MFSD6: variants seen among roughly 807,000 people sequenced by gnomAD.
MFSD6 encodes the protein major facilitator superfamily domain-containing protein 6.
MFSD6 carries 26 observed loss-of-function variants against 56.3 expected under a neutral mutation model. The observed-to-expected ratio is 0.46, with a 90% CI of 0.34 to 0.64. The LOEUF is 0.64. Among genes scored for constraint, MFSD6 ranks in the 30% least tolerant of loss-of-function variants. MFSD6 has a pLI of 0.01. For synonymous variants in MFSD6, 331 were observed against 366.9 expected (o/e 0.90, Z 1.12); for missense variants, 750 against 986.2 (o/e 0.76, Z 3.21).
intron 3 of MFSD6, among the ~76,000 whole-genome samples, chr2:190,452,136 T>TA (rs1418185829): frequency 3.3e-5 from 5 of 151,820 alleles, no homozygotes; most frequent in African/African-American, 1.2e-4. Context: ...AGATGAAAAG[T>TA]AAAAAACAAA....
chr2:190,497,546 C>T lies in MFSD6; in HGVS notation c.1999C>T (p.Pro667Ser). 1 of 1,614,166 alleles carries T rather than the reference C, an allele frequency of 6.2e-7. No individual in the cohort carries two copies. The highest frequency in any genetic ancestry group is 8.5e-7 in the Non-Finnish European group (1 of 1,180,026). Residue 667 changes from proline to serine, a missense_variant, in exon 7 of 8, where the codon CCC (proline) becomes TCC (serine). By Grantham distance (74) the Pro-to-Ser change is moderately conservative. Around this residue, in one of 5 missense-constraint regions of MFSD6, gnomAD observed 172 missense variants for 203.9 expected, o/e 0.84. Coordinates refer to ENST00000392328, the MANE Select transcript of MFSD6 (RefSeq NM_017694.4). This position sits in a 1 kb window ranked among gnomAD's most constrained non-coding sequence, Gnocchi z 5.2. ...QTEDVMPRIE[P>S]RLPPKKTKHQ... ...AGAAGATGTCATGCCACGCATTGAG[C>T]CCAGACTTCCACCCAAGAAAACTAA...
intron 3 of MFSD6, chr2:190,442,854 CA>C (rs1287784847): frequency 6.6e-6 from 1 of 152,068 alleles, no homozygotes; most frequent in Non-Finnish European, 1.5e-5. Context: ...AGATTTGCAG[CA>C]GTGAAAATCG....
rs1689089036 is a variant in MFSD6, at chr2:190,487,665, C to T, written c.1631-992C>T. Among the ~76,000 whole-genome samples, 1 of 152,096 alleles carries T rather than the reference C, an allele frequency of 6.6e-6. No homozygotes were observed. Among genetic ancestry groups the T allele is most frequent in the Admixed American group, 6.5e-5 (1 of 15,274 alleles). On this transcript the variant is annotated intron_variant, in intron 4 of 7. Coordinates refer to ENST00000392328, the MANE Select transcript of MFSD6 (RefSeq NM_017694.4). This position sits in a 1 kb window ranked among gnomAD's most constrained non-coding sequence, Gnocchi z 5.5. ...CCTAAAAGGTGCTCGACATCACTAG[C>T]TATTAGGGGAAAGCAAATCAACAAC...
chr2:190,464,468 CTG>C (rs1443168439), intron 3 of MFSD6, among the ~76,000 whole-genome samples: 1 of 152,176 alleles, frequency 6.6e-6, no homozygotes, highest in Non-Finnish European at 1.5e-5. Context: ...AATATCCAGA[CTG>C]TATCTGGACT....
Position 190,463,987 on chromosome 2 carries a change from A to G in MFSD6, c.1533-5771A>G, listed in dbSNP as rs773528789. ...CTGGTGTCAACAACCAGCTCTTTTC[A>G]TTAGGAAATCTAGTAAAAACTCCAG... On this transcript the variant is annotated intron_variant, in intron 3 of 7. Coordinates refer to ENST00000392328, the MANE Select transcript of MFSD6 (RefSeq NM_017694.4). The surrounding 1 kb of genome is among the most constrained non-coding windows in gnomAD (Gnocchi z 4.4). 3 of 747,258 alleles carry G rather than the reference A, an allele frequency of 4.0e-6. No individual in the cohort carries two copies. Among genetic ancestry groups the G allele is most frequent in the Non-Finnish European group, 4.9e-6 (3 of 612,716 alleles). The allele number at this position is 747,258 out of a possible 1,614,324, so 46.3% of individuals were successfully genotyped here. A position where few individuals can be genotyped will look rare whatever the true frequency, so the allele number is the denominator to read the frequency against.
Position 190,461,905 on chromosome 2 carries a change from A to G in MFSD6, c.1533-7853A>G, listed in dbSNP as rs981399713. 2.0e-5 allele frequency among the ~76,000 whole-genome samples: 3 copies of G among 152,182 alleles called. No individual in the cohort carries two copies. The highest frequency in any genetic ancestry group is 2.0e-4 in the Admixed American group (3 of 15,276). On this transcript the variant is annotated intron_variant, in intron 3 of 7. Transcript: ENST00000392328. This position sits in a 1 kb window ranked among gnomAD's most constrained non-coding sequence, Gnocchi z 5.5. ...ACTTTCAGAACAATCTGAGAGCAGA[A>G]GTCTTTTAATTTAAAAATTTAAAGG...
chr2:190,495,725 C>A lies in MFSD6; in HGVS notation c.1892-1714C>A, dbSNP rs919037136. On this transcript the variant is annotated intron_variant, in intron 6 of 7. Coordinates refer to ENST00000392328, the MANE Select transcript of MFSD6 (RefSeq NM_017694.4). The surrounding 1 kb of genome is among the most constrained non-coding windows in gnomAD (Gnocchi z 4.7). ...GCCAACTGATATTTGACAAAGCAAA[C>A]AGAAACATAAAGGGGGAAAGGATAC... 1.3e-5 allele frequency among the ~76,000 whole-genome samples: 2 copies of A among 151,954 alleles called. No homozygotes were observed. The highest frequency in any genetic ancestry group is 2.9e-5 in the Non-Finnish European group (2 of 67,960).
chr2:190,419,948 C>T (rs910563928), intron 2 of MFSD6, among the ~76,000 whole-genome samples: 2 of 152,102 alleles, frequency 1.3e-5, no homozygotes, highest in African/African-American at 2.4e-5. Context: ...CAAAGCCTTC[C>T]TTATCTGATT....
rs1283776223 is a variant in MFSD6 at position 190,425,466 on chromosome 2, G to C, written c.-54+10053G>C. The stretch of plus-strand genomic sequence containing the variant: ...CCATTAAGTGCAGTGTTACCCATGG[G>C]TTTCCGTAGGTGATCTTTATCAAAT... On this transcript the variant is annotated intron_variant, in intron 2 of 7. Coordinates refer to ENST00000392328, the MANE Select transcript of MFSD6 (RefSeq NM_017694.4). This position sits in a 1 kb window ranked among gnomAD's most constrained non-coding sequence, Gnocchi z 4.3. 2.0e-5 allele frequency among the ~76,000 whole-genome samples: 3 copies of C among 152,088 alleles called. No individual in the cohort carries two copies. Among genetic ancestry groups the C allele is most frequent in the African/African-American group, 7.2e-5 (3 of 41,402 alleles).
At chr2:190,441,218 T>C (rs1686361961) in intron 3 of MFSD6, among the ~76,000 whole-genome samples, 1 of 152,106 alleles carries the variant, frequency 6.6e-6, no homozygotes. Context: ...CTGATTTCTG[T>C]AGGCTATGTT....
chr2:190,444,978 G>T, intron 3 of MFSD6: 4 of 414,636 alleles, frequency 9.6e-6, no homozygotes, highest in Non-Finnish European at 1.3e-5. Context: ...AGCTAGTGTA[G>T]TCCAGGCCTC....
rs1452406727 is a variant in MFSD6 at position 190,471,609 on chromosome 2, G to C, written c.1630+1754G>C. Among the ~76,000 whole-genome samples the C allele has an allele frequency of 6.6e-6, 1 of 152,212 alleles. No individual in the cohort carries two copies. The highest frequency in any genetic ancestry group is 1.5e-5 in the Non-Finnish European group (1 of 68,034). ...GCAGCGGCTGGGAAGCTTGAACTGG[G>C]TGGAGCCCACCACAGCTCAAGGAGG... On this transcript the variant is annotated intron_variant, in intron 4 of 7. Transcript: ENST00000392328. The surrounding 1 kb of genome is among the most constrained non-coding windows in gnomAD (Gnocchi z 4.7).
chr2:190,441,933 T>G (rs1686395028), intron 3 of MFSD6, among the ~76,000 whole-genome samples: 1 of 152,192 alleles, frequency 6.6e-6, no homozygotes, highest in Admixed American at 6.5e-5. Flanking sequence ...GTCAGATTGG[T>G]GCCTGCCTCT....
chr2:190,447,569 A>G lies in MFSD6; in HGVS notation c.1532+10008A>G, dbSNP rs1686630559. ...CCACATTAAAAAATAAATTGCTTATATACTTCTTAGTGCCACGTTTTAGGC... is the reference window on the plus strand; with the variant it reads ...CCACATTAAAAAATAAATTGCTTATGTACTTCTTAGTGCCACGTTTTAGGC... On this transcript the variant is annotated intron_variant, in intron 3 of 7. Coordinates refer to ENST00000392328, the MANE Select transcript of MFSD6 (RefSeq NM_017694.4). This position sits in a 1 kb window ranked among gnomAD's most constrained non-coding sequence, Gnocchi z 4.5. Among the ~76,000 whole-genome samples, 1 of 152,250 alleles carries G rather than the reference A, an allele frequency of 6.6e-6. No homozygotes were observed. Among genetic ancestry groups the G allele is most frequent in the African/African-American group, 2.4e-5 (1 of 41,468 alleles).
In MFSD6 at chr2:190,489,127, C is replaced by T. The variant is rs756129255; in HGVS notation, c.1792+309C>T. On this transcript the variant is annotated intron_variant, in intron 5 of 7. Transcript: ENST00000392328. This position sits in a 1 kb window ranked among gnomAD's most constrained non-coding sequence, Gnocchi z 6.6. ...AGTGCTTTTGGTCTAAAATAAGGTA[C>T]CTTAAACCTGCTGATAATAACCCTA... Among the ~76,000 whole-genome samples the T allele has an allele frequency of 1.3e-5, 2 of 152,144 alleles. No homozygotes were observed. The highest frequency in any genetic ancestry group is 6.5e-5 in the Admixed American group (1 of 15,270).
chr2:190,414,414 T>G (rs530113620), intron 1 of MFSD6, among the ~76,000 whole-genome samples: 1 of 152,358 alleles, frequency 6.6e-6, no homozygotes, highest in African/African-American at 2.4e-5. Flanking sequence ...TGAACAAATA[T>G]GCCCCAATTC....
intron 2 of MFSD6, among the ~76,000 whole-genome samples, chr2:190,432,421 T>G (rs1480148214): frequency 6.6e-6 from 1 of 152,116 alleles, no homozygotes; most frequent in Non-Finnish European, 1.5e-5. Flanking sequence ...TTCTTGTTTG[T>G]TTTTGTTTTT....
At position 190,467,488 on chromosome 2, in the gene MFSD6, C is replaced by T. The variant is rs968054969; in HGVS notation, c.1533-2270C>T. On this transcript the variant is annotated intron_variant, in intron 3 of 7. Transcript: ENST00000392328. The surrounding 1 kb of genome is among the most constrained non-coding windows in gnomAD (Gnocchi z 5.5). ...ATTAGCCAGGCATGGTGGCACATTC[C>T]TGTAATCCCAGCTAGTCAGGAGGCT... is the stretch of plus-strand genomic sequence containing the variant. Among the ~76,000 whole-genome samples, 29 of 152,164 alleles carry T rather than the reference C, an allele frequency of 1.9e-4. No homozygotes were observed. Among genetic ancestry groups the T allele is most frequent in the African/African-American group, 7.0e-4 (29 of 41,428 alleles).
In MFSD6 at chr2:190,485,546, A is replaced by G. The variant is rs1688962222; in HGVS notation, c.1631-3111A>G. 6.6e-6 allele frequency among the ~76,000 whole-genome samples: 1 copy of G among 152,164 alleles called. No homozygotes were observed. The highest frequency in any genetic ancestry group is 6.5e-5 in the Admixed American group (1 of 15,280). Reference sequence around the variant, plus strand: ...TTTCCCCCAGTGTGGTTAATGAAAAAAAATCTGCATATGTGAAAAGAAATG... The same window carrying G: ...TTTCCCCCAGTGTGGTTAATGAAAAGAAATCTGCATATGTGAAAAGAAATG... On this transcript the variant is annotated intron_variant, in intron 4 of 7. Coordinates refer to ENST00000392328, the MANE Select transcript of MFSD6 (RefSeq NM_017694.4). The surrounding 1 kb of genome is among the most constrained non-coding windows in gnomAD (Gnocchi z 5.1).
Sources: gnomAD v4.1 joint callset for allele counts (sites outside exome capture counted in the v4.1 genomes callset) on GRCh38, gnomAD v4.1.1 for gene constraint, gnomAD v4.1.1 regional missense constraint, Gnocchi (gnomAD v3.1) non-coding constraint, MANE v1.5 for transcripts, NCBI Gene and HGNC (gene_info 2026-07-23, HGNC 2026-07-21) for gene names.